The following CPQ variants were observed in gnomAD, a reference collection of about 807,000 sequenced individuals.
CPQ encodes Ser-Met dipeptidase.
Under a neutral mutation model 45.7 loss-of-function variants are expected in CPQ, and 37 were observed. That is an observed-to-expected ratio of 0.81 (90% confidence interval 0.62 to 1.07). CPQ has a LOEUF of 1.07. Among genes scored for constraint, CPQ ranks in the 50% least tolerant of loss-of-function variants. CPQ has a pLI of 0.00. For missense variants in CPQ, 537 were observed against 572.9 expected (o/e 0.94, Z 0.64); for synonymous variants, 186 against 205.8 (o/e 0.90, Z 0.82).
intron 1 of CPQ, among the ~76,000 whole-genome samples, chr8:96,682,148 A>C (rs941185551): frequency 3.3e-5 from 5 of 152,162 alleles, no homozygotes; most frequent in African/African-American, 9.7e-5. Context: ...ATATGAGGAC[A>C]TGAGATTTGG....
chr8:96,899,516 C>T (rs114080522), intron 4 of CPQ, among the ~76,000 whole-genome samples: 5,788 of 152,140 alleles, frequency 0.038, 152 homozygotes, highest in African/African-American at 0.066. Context: ...ATCTGCTCGG[C>T]TTCTGGGGAG....
chr8:97,084,140 A>C (rs902317680), intron 7 of CPQ, among the ~76,000 whole-genome samples: 2 of 152,162 alleles, frequency 1.3e-5, no homozygotes, highest in African/African-American at 4.8e-5. Context: ...ACACGAATAA[A>C]GTTCAGACGT....
chr8:96,802,277 T>C (rs1811015725), intron 2 of CPQ, among the ~76,000 whole-genome samples: 1 of 152,234 alleles, frequency 6.6e-6, no homozygotes, highest in Non-Finnish European at 1.5e-5. Flanking sequence ...TATCTTTTTT[T>C]TGAGTCTGTA....
intron 1 of CPQ, among the ~76,000 whole-genome samples, chr8:96,653,926 T>C (rs1204926037): frequency 6.6e-6 from 1 of 152,224 alleles, no homozygotes; most frequent in Non-Finnish European, 1.5e-5. Context: ...ATGGCTACTT[T>C]TCTCTTTCTA....
intron 1 of CPQ, among the ~76,000 whole-genome samples, chr8:96,780,884 T>C (rs190469176): frequency 3.2e-4 from 49 of 152,158 alleles, no homozygotes; most frequent in African/African-American, 1.1e-3. Flanking sequence ...TAGCAATGCA[T>C]GTATATGTAT....
intron 4 of CPQ, among the ~76,000 whole-genome samples, chr8:96,953,059 T>C (rs560246075): frequency 1.1e-4 from 17 of 152,266 alleles, no homozygotes; most frequent in Admixed American, 4.6e-4. Flanking sequence ...ATTTTATTAG[T>C]AGTATAATAT....
intron 1 of CPQ, among the ~76,000 whole-genome samples, chr8:96,667,638 C>A (rs111748827): frequency 0.024 from 3,678 of 152,110 alleles, 160 homozygotes; most frequent in African/African-American, 0.084. Context: ...TGTGAGCCAC[C>A]GCACCTGGCC....
At chr8:96,930,393 C>G (rs1812957234) in intron 4 of CPQ, among the ~76,000 whole-genome samples, 1 of 152,154 alleles carries the variant, frequency 6.6e-6, no homozygotes, top group Non-Finnish European at 1.5e-5. Context: ...GGTAGCTCCC[C>G]CAGTGGAATT....
intron 2 of CPQ, among the ~76,000 whole-genome samples, chr8:96,789,519 C>T (rs1017903361): frequency 1.3e-5 from 2 of 152,128 alleles, no homozygotes; most frequent in African/African-American, 4.8e-5. Flanking sequence ...TGCTTAGGTT[C>T]CTTTAGACAG....
Position 96,742,987 on chromosome 8 carries a change from G to A in CPQ, c.-34-41877G>A, listed in dbSNP as rs1191762567. On this transcript the variant is annotated intron_variant, in intron 1 of 7. Transcript: ENST00000220763. ...GCTCTTCTCGAGGAGTATCTTTGTG[G>A]TGTTCTCTGTATTTCCTGATTCTGA... 3.3e-5 allele frequency among the ~76,000 whole-genome samples: 5 copies of A among 152,136 alleles called. No individual in the cohort carries two copies. In the East Asian group the frequency reaches 9.7e-4, roughly 29 times the overall value.
chr8:96,691,199 C>T (rs1326000318), intron 1 of CPQ, among the ~76,000 whole-genome samples: 37 of 152,190 alleles, frequency 2.4e-4, no homozygotes, highest in Admixed American at 2.4e-3. Context: ...TTCCTTGCCT[C>T]TTCCAGGTTC....
At chr8:96,799,409 T>C (rs1217653016) in intron 2 of CPQ, among the ~76,000 whole-genome samples, 3 of 152,222 alleles carry the variant, frequency 2.0e-5, no homozygotes, top group Non-Finnish European at 4.4e-5. Flanking sequence ...TATTTGCACA[T>C]GACCTCATCT....
chr8:96,969,519 T>TC (rs1269364644), intron 5 of CPQ, among the ~76,000 whole-genome samples: 1 of 152,200 alleles, frequency 6.6e-6, no homozygotes, highest in African/African-American at 2.4e-5. Context: ...CTTGGCTGGG[T>TC]CAGAGCAACT....
At chr8:96,660,560 TA>T (rs1815687826) in intron 1 of CPQ, among the ~76,000 whole-genome samples, 1 of 152,124 alleles carries the variant, frequency 6.6e-6, no homozygotes, top group African/African-American at 2.4e-5. Flanking sequence ...ATTTAGAAAA[TA>T]CTGATTTGGG....
chr8:96,692,057 C>T (rs1349378465), intron 1 of CPQ, among the ~76,000 whole-genome samples: 1 of 152,102 alleles, frequency 6.6e-6, no homozygotes, highest in African/African-American at 2.4e-5. Context: ...AGTAAGGTCT[C>T]TCTGGTTGGA....
chr8:97,133,090 A>T (rs562863151), intron 7 of CPQ: 1 of 152,302 alleles, frequency 6.6e-6, no homozygotes, highest in South Asian at 2.1e-4. Flanking sequence ...TCAAGGGAGA[A>T]ATAGAGGTTA....
intron 1 of CPQ, among the ~76,000 whole-genome samples, chr8:96,664,444 G>A (rs77014703): frequency 1.3e-5 from 2 of 152,168 alleles, no homozygotes; most frequent in East Asian, 1.9e-4. Flanking sequence ...GAAATTTGAG[G>A]CTTAAAGAGA....
At chr8:96,711,302 T>C (rs1266584686) in intron 1 of CPQ, among the ~76,000 whole-genome samples, 2 of 152,174 alleles carry the variant, frequency 1.3e-5, no homozygotes, top group East Asian at 3.9e-4. Context: ...ATCTTTTAAG[T>C]GGAGCGTTTA....
At chr8:97,037,202 G>T (rs891998620) in intron 6 of CPQ, among the ~76,000 whole-genome samples, 2 of 152,170 alleles carry the variant, frequency 1.3e-5, no homozygotes, top group Non-Finnish European at 2.9e-5. Context: ...TAAAATAAAA[G>T]AATATGTTAG....
Sources: allele counts gnomAD v4.1 joint callset (sites outside exome capture counted in the v4.1 genomes callset), GRCh38; gene constraint gnomAD v4.1.1; transcripts MANE v1.5; gene names NCBI Gene and HGNC (gene_info 2026-07-23, HGNC 2026-07-21).